Variants in JAK2 observed in about 807,000 individuals in gnomAD.
JAK2 encodes tyrosine-protein kinase JAK2.
Under a neutral mutation model 139.3 loss-of-function variants are expected in JAK2, and 86 were observed. That is an observed-to-expected ratio of 0.62 (90% CI 0.52 to 0.74). JAK2 has a LOEUF of 0.74. Among genes scored for constraint, JAK2 ranks in the 30% least tolerant of loss-of-function variants. The pLI is 0.00. For synonymous variants in JAK2, 490 were observed against 437.7 expected (o/e 1.12, Z -1.49); for missense variants, 1,421 against 1,360.3 (o/e 1.04, Z -0.70).
chr9:5,110,825 G>A (rs1384939377), intron 22 of JAK2: 3 of 445,436 alleles, frequency 6.7e-6, no homozygotes, highest in Non-Finnish European at 8.7e-6. Flanking sequence ...TGCATCGCCC[G>A]TTTGTTCGGG....
intron 22 of JAK2, among the ~76,000 whole-genome samples, chr9:5,101,333 G>GC (rs1821467811): frequency 6.6e-6 from 1 of 152,222 alleles, no homozygotes; most frequent in South Asian, 2.1e-4. Context: ...AGGCGGAGGG[G>GC]CGTCCGCCAT....
intron 22 of JAK2, among the ~76,000 whole-genome samples, chr9:5,116,188 C>T (rs191946922): frequency 4.6e-5 from 7 of 152,116 alleles, no homozygotes; most frequent in African/African-American, 1.4e-4. Context: ...CTATTTTAAG[C>T]ATGGAGAACT....
intron 19 of JAK2, among the ~76,000 whole-genome samples, chr9:5,088,659 T>C (rs1440059303): frequency 6.6e-6 from 1 of 152,242 alleles, no homozygotes; most frequent in Non-Finnish European, 1.5e-5. Context: ...CATTTATTTC[T>C]TTGAATTCCA....
chr9:5,077,136 G>A (rs1333082352), intron 14 of JAK2, among the ~76,000 whole-genome samples: 3 of 151,274 alleles, frequency 2.0e-5, no homozygotes, highest in Admixed American at 2.0e-4. Context: ...GAGAAATTGA[G>A]AAATTTTCAT....
chr9:5,085,273 G>A (rs1378023608), intron 19 of JAK2: 1 of 695,500 alleles, frequency 1.4e-6, no homozygotes, highest in African/African-American at 1.8e-5. Context: ...ATCAGCTGAT[G>A]TTGGTTTGCC....
intron 8 of JAK2, among the ~76,000 whole-genome samples, chr9:5,056,857 T>A (rs1817801079): frequency 6.6e-6 from 1 of 152,180 alleles, no homozygotes; most frequent in Admixed American, 6.5e-5. Flanking sequence ...AAGTCTGCAA[T>A]ACAGAGAAGT....
chr9:5,112,693 G>A (rs1201452572), intron 22 of JAK2: 3 of 902,510 alleles, frequency 3.3e-6, no homozygotes, highest in Admixed American at 6.2e-5. Context: ...TCCTGAATTT[G>A]GAGCAGCAAG....
In JAK2 at chr9:5,022,022, A is replaced by C; in HGVS notation, c.35A>C (p.Glu12Ala). 1 of 1,614,072 alleles carries C rather than the reference A, an allele frequency of 6.2e-7. No individual in the cohort carries two copies. ...GCCTGCCTTACGATGACAGAAATGG[A>C]GGGAACATCCACCTCTTCTATATAT... is the stretch of plus-strand genomic sequence containing the variant. ...GMACLTMTEM[E>A]GTSTSSIYQN... The change falls in exon 3 of 25, where the codon GAG (glutamate) becomes GCG (alanine). Residue 12 changes from glutamate to alanine, a missense_variant. Physicochemically the swap from Glu to Ala is moderately radical, Grantham distance 107. Coordinates refer to ENST00000381652, the MANE Select transcript of JAK2 (RefSeq NM_004972.4).
intron 8 of JAK2, among the ~76,000 whole-genome samples, chr9:5,056,275 C>CT (rs34425667): frequency 1.3e-5 from 2 of 152,038 alleles, no homozygotes; most frequent in African/African-American, 2.4e-5. Context: ...AACGCTTTCT[C>CT]TTTTTTTAAA....
chr9:4,988,009 G>C (rs1049154017), intron 2 of JAK2, among the ~76,000 whole-genome samples: 3 of 152,110 alleles, frequency 2.0e-5, no homozygotes, highest in Admixed American at 1.3e-4. Context: ...AACTGGTGAG[G>C]GAGTATTACA....
intron 22 of JAK2, among the ~76,000 whole-genome samples, chr9:5,115,223 AAAC>A (rs1190346049): frequency 6.6e-6 from 1 of 152,194 alleles, no homozygotes; most frequent in Admixed American, 6.5e-5. Flanking sequence ...CACAAGAAAA[AAAC>A]AACCCCATCA....
At chr9:5,013,484 G>C (rs1283690145) in intron 2 of JAK2, among the ~76,000 whole-genome samples, 1 of 152,160 alleles carries the variant, frequency 6.6e-6, no homozygotes, top group African/African-American at 2.4e-5. Flanking sequence ...CCACTCCATT[G>C]CCTTTTGGGA....
At chr9:5,092,017 G>A (rs1452583776) in intron 22 of JAK2, among the ~76,000 whole-genome samples, 2 of 152,074 alleles carry the variant, frequency 1.3e-5, no homozygotes, top group Non-Finnish European at 2.9e-5. Context: ...GCTGAACTGA[G>A]TTAATTCGGA....
rs147574589 is a variant in JAK2 at position 5,106,496 on chromosome 9, T to G, written c.3059+15585T>G. Among the ~76,000 whole-genome samples, 583 of 152,318 alleles carry G rather than the reference T, an allele frequency of 3.8e-3. 1 individual carries two copies. Among genetic ancestry groups the G allele is most frequent in the Non-Finnish European group, 6.4e-3 (434 of 68,042 alleles). On this transcript the variant is annotated intron_variant, in intron 22 of 24. Transcript: ENST00000381652. The stretch of plus-strand genomic sequence containing the variant: ...CCACTGCAGAAGACAGTGTGGCGAC[T>G]CCTCAAGGATCTAGAACTAGAAATA...
intron 2 of JAK2, among the ~76,000 whole-genome samples, chr9:5,007,105 T>G (rs1394101842): frequency 1.3e-5 from 2 of 152,132 alleles, no homozygotes; most frequent in African/African-American, 4.8e-5. Context: ...CTTTATTTTA[T>G]TTTTATTTTT....
chr9:5,002,293 C>T (rs1302407031), intron 2 of JAK2, among the ~76,000 whole-genome samples: 1 of 151,888 alleles, frequency 6.6e-6, no homozygotes, highest in Admixed American at 6.6e-5. Flanking sequence ...TATACATTCT[C>T]TCTAACCACT....
intron 19 of JAK2, among the ~76,000 whole-genome samples, chr9:5,083,705 A>G (rs1819875069): frequency 6.6e-6 from 1 of 152,200 alleles, no homozygotes; most frequent in African/African-American, 2.4e-5. Flanking sequence ...TAGACATAAC[A>G]AAGAATACAT....
intron 4 of JAK2, chr9:5,040,950 GA>G: frequency 2.1e-6 from 1 of 469,978 alleles, no homozygotes; most frequent in African/African-American, 2.1e-5. Flanking sequence ...GCCAAGGAAA[GA>G]ATCTCTATAC....
Position 5,105,718 on chromosome 9 carries a change from T to C in JAK2, c.3059+14807T>C, listed in dbSNP as rs1015376853. Among the ~76,000 whole-genome samples, 39 of 152,184 alleles carry C rather than the reference T, an allele frequency of 2.6e-4. 1 individual carries two copies. The highest frequency in any genetic ancestry group is 8.4e-4 in the African/African-American group (35 of 41,504). Reference sequence around the variant, plus strand: ...CATGGTACTGCTACCCAAACAGAGATAGACCAATGGAACAGAACAGAGGCC... The same window carrying C: ...CATGGTACTGCTACCCAAACAGAGACAGACCAATGGAACAGAACAGAGGCC... On this transcript the variant is annotated intron_variant, in intron 22 of 24. Coordinates refer to ENST00000381652, the MANE Select transcript of JAK2 (RefSeq NM_004972.4).
Sources: allele counts gnomAD v4.1 joint callset (sites outside exome capture counted in the v4.1 genomes callset), GRCh38; gene constraint gnomAD v4.1.1; transcripts MANE v1.5; gene names NCBI Gene and HGNC (gene_info 2026-07-23, HGNC 2026-07-21).